PCDHGB6: variants seen among roughly 807,000 people sequenced by gnomAD.
The protein encoded by PCDHGB6 is protocadherin gamma-B6.
PCDHGB6 carries 51 observed loss-of-function variants against 59.1 expected under a neutral mutation model. That is an observed-to-expected ratio of 0.86 (90% CI 0.69 to 1.09). PCDHGB6 has a LOEUF of 1.09. Among genes scored for constraint, PCDHGB6 ranks in the 50% least tolerant of loss-of-function variants. PCDHGB6 has a pLI of 0.00. For missense variants in PCDHGB6, 1,148 were observed against 1,205.1 expected, an observed-to-expected ratio of 0.95 and a Z score of 0.70; for synonymous variants, 466 against 495.1, an observed-to-expected ratio of 0.94 and a Z score of 0.78.
chr5:141,457,020 C>A (rs2098903789), intron 1 of PCDHGB6, among the ~76,000 whole-genome samples: 1 of 152,086 alleles, frequency 6.6e-6, no homozygotes, highest in Non-Finnish European at 1.5e-5. Flanking sequence ...AATAAAAAGT[C>A]CTAGTAGACT....
Position 141,446,243 on chromosome 5 carries a change from C to T in PCDHGB6, c.2418+35623C>T, listed in dbSNP as rs552551215. Among the ~76,000 whole-genome samples, 23 of 152,096 alleles carry T rather than the reference C, an allele frequency of 1.5e-4. 1 individual carries two copies. The South Asian group carries it at 4.6e-3, about 30-fold the overall frequency. On this transcript the variant is annotated intron_variant, in intron 1 of 3. Coordinates refer to ENST00000520790, the MANE Select transcript of PCDHGB6 (RefSeq NM_018926.3). ...TTGTGTTGCCTGGCAAGTGGTAGAT[C>T]TTCAGTGAAATATTATTAACTGAAT...
At chr5:141,452,511 A>G (rs573632978) in intron 1 of PCDHGB6, among the ~76,000 whole-genome samples, 1 of 152,056 alleles carries the variant, frequency 6.6e-6, no homozygotes, top group South Asian at 2.1e-4. Context: ...TTGTACACAC[A>G]CTCCCTCAAA....
chr5:141,431,008 C>T lies in PCDHGB6; in HGVS notation c.2418+20388C>T. The T allele has an allele frequency of 6.2e-7, 1 of 1,614,118 alleles. No individual in the cohort carries two copies. The highest frequency in any genetic ancestry group is 1.1e-5 in the South Asian group (1 of 91,076). ...TCGCCCTGAATCCGCGCAGCGGCAG[C>T]TTGGTCACGGCGGGCAGGATAGACC... On this transcript the variant is annotated intron_variant, in intron 1 of 3. Transcript: ENST00000520790. This position sits in a 1 kb window ranked among gnomAD's most constrained non-coding sequence, Gnocchi z 4.8.
intron 3 of PCDHGB6, among the ~76,000 whole-genome samples, chr5:141,506,444 C>CAA (rs1219684339): frequency 1.2e-3 from 116 of 94,976 alleles, no homozygotes; most frequent in African/African-American, 4.2e-3. Flanking sequence ...CGCTCTGTCT[C>CAA]AAAAAAAAAA....
chr5:141,445,376 A>T (rs1182418123), intron 1 of PCDHGB6, among the ~76,000 whole-genome samples: 1 of 152,220 alleles, frequency 6.6e-6, no homozygotes, highest in Non-Finnish European at 1.5e-5. Context: ...TGGGTGGTTC[A>T]TTCATTCATT....
intron 1 of PCDHGB6, chr5:141,421,256 G>A (rs1205670837): frequency 1.2e-6 from 2 of 1,607,696 alleles, no homozygotes; most frequent in African/African-American, 1.3e-5. Flanking sequence ...CGCGGGGACC[G>A]CAGTCGGCTG....
Position 141,431,529 on chromosome 5 carries a change from T to C in PCDHGB6, c.2418+20909T>C, listed in dbSNP as rs145601545. 166 of 1,614,074 alleles carry C rather than the reference T, an allele frequency of 1.0e-4. No individual in the cohort carries two copies. In the African/African-American group the frequency reaches 2.0e-3, roughly 19 times the overall value. On this transcript the variant is annotated intron_variant, in intron 1 of 3. Coordinates refer to ENST00000520790, the MANE Select transcript of PCDHGB6 (RefSeq NM_018926.3). The surrounding 1 kb of genome is among the most constrained non-coding windows in gnomAD (Gnocchi z 4.8). The stretch of plus-strand genomic sequence containing the variant: ...GCGAGCGTTCCGGAGAATCTGGCCT[T>C]GGGCACGCAGCTGCTTGTAGTCAAC...
At chr5:141,483,737 G>A (rs1052778197) in intron 1 of PCDHGB6, among the ~76,000 whole-genome samples, 4 of 152,102 alleles carry the variant, frequency 2.6e-5, no homozygotes, top group South Asian at 2.1e-4. Context: ...TAGTCAAAAG[G>A]ATATTCCTGA....
At chr5:141,492,548 C>A (rs1028674110) in intron 1 of PCDHGB6, among the ~76,000 whole-genome samples, 1 of 152,218 alleles carries the variant, frequency 6.6e-6, no homozygotes, top group Non-Finnish European at 1.5e-5. Flanking sequence ...TGGGCCGGGT[C>A]GCCTGGGGGG....
intron 1 of PCDHGB6, among the ~76,000 whole-genome samples, chr5:141,463,418 C>T (rs1442067485): frequency 3.6e-5 from 5 of 138,240 alleles, no homozygotes; most frequent in Admixed American, 2.9e-4. Flanking sequence ...TCCTAGTTTG[C>T]GGATCCTCAT....
At position 141,431,525 on chromosome 5, in the gene PCDHGB6, G is replaced by A. The variant is rs1390184616; in HGVS notation, c.2418+20905G>A. The A allele has an allele frequency of 5.6e-6, 9 of 1,613,956 alleles. No individual in the cohort carries two copies. Among genetic ancestry groups the A allele is most frequent in the Non-Finnish European group, 7.6e-6 (9 of 1,180,044 alleles). ...CCGCGCGAGCGTTCCGGAGAATCTG[G>A]CCTTGGGCACGCAGCTGCTTGTAGT... On this transcript the variant is annotated intron_variant, in intron 1 of 3. Transcript: ENST00000520790. This position sits in a 1 kb window ranked among gnomAD's most constrained non-coding sequence, Gnocchi z 4.8.
At position 141,487,665 on chromosome 5, in the gene PCDHGB6, G is replaced by C. The variant is rs373971935; in HGVS notation, c.2419-7142G>C. 2.1e-5 allele frequency: 34 copies of C among 1,612,724 alleles called. No homozygotes were observed. In the South Asian group the frequency reaches 3.4e-4, roughly 16 times the overall value. ...ATGCTTGAGGGTTATTCTGATCCAG[G>C]CATATGGCTAGGCCATGTCCTAGAG... On this transcript the variant is annotated intron_variant, in intron 1 of 3. Transcript: ENST00000520790. The surrounding 1 kb of genome is among the most constrained non-coding windows in gnomAD (Gnocchi z 5.0).
At position 141,427,736 on chromosome 5, in the gene PCDHGB6, A is replaced by G. The variant is rs781594851; in HGVS notation, c.2418+17116A>G. 3.3e-6 allele frequency: 4 copies of G among 1,214,562 alleles called. No individual in the cohort carries two copies. In the South Asian group the frequency reaches 4.9e-5, roughly 15 times the overall value. The allele number at this position is 1,214,562 out of a possible 1,614,324, so 75.2% of individuals were successfully genotyped here. ...ACCTGGACCTAGGGCTGAATGGCCA[A>G]GTCTCCTACTCCATCGTTACCACTG... On this transcript the variant is annotated intron_variant, in intron 1 of 3. Coordinates refer to ENST00000520790, the MANE Select transcript of PCDHGB6 (RefSeq NM_018926.3).
At chr5:141,484,672 A>G (rs1253641119) in intron 1 of PCDHGB6, among the ~76,000 whole-genome samples, 1 of 151,990 alleles carries the variant, frequency 6.6e-6, no homozygotes, top group African/African-American at 2.4e-5. Flanking sequence ...AGTGGGCCGC[A>G]GGTTGCTAGG....
At chr5:141,481,035 G>C (rs1342607604) in intron 1 of PCDHGB6, among the ~76,000 whole-genome samples, 1 of 152,094 alleles carries the variant, frequency 6.6e-6, no homozygotes, top group Non-Finnish European at 1.5e-5. Flanking sequence ...TCCAGCCTGG[G>C]CGACAGAGCG....
At chr5:141,429,469 T>C (rs547784462) in intron 1 of PCDHGB6, among the ~76,000 whole-genome samples, 4 of 151,932 alleles carry the variant, frequency 2.6e-5, no homozygotes, top group African/African-American at 4.8e-5. Context: ...CCCACCTCAA[T>C]CTCCAGAGTA....
chr5:141,427,871 G>A (rs762885351), intron 1 of PCDHGB6: 1 of 1,559,530 alleles, frequency 6.4e-7, no homozygotes, highest in South Asian at 1.1e-5. Flanking sequence ...TCGAGCTCAC[G>A]ATGCAGGCCC....
Position 141,431,972 on chromosome 5 carries a change from G to T in PCDHGB6, c.2418+21352G>T, listed in dbSNP as rs750484866. On this transcript the variant is annotated intron_variant, in intron 1 of 3. Coordinates refer to ENST00000520790, the MANE Select transcript of PCDHGB6 (RefSeq NM_018926.3). The surrounding 1 kb of genome is among the most constrained non-coding windows in gnomAD (Gnocchi z 4.8). ...ATCTTACGGAAATTACTATAGTTTA[G>T]TCACAGACATAGTCTTGGATAGGGA... is the stretch of plus-strand genomic sequence containing the variant. The T allele has an allele frequency of 8.1e-6, 13 of 1,614,072 alleles. No homozygotes were observed. Among genetic ancestry groups the T allele is most frequent in the Non-Finnish European group, 1.1e-5 (13 of 1,180,028 alleles).
chr5:141,415,389 T>A lies in PCDHGB6; in HGVS notation c.2418+4769T>A, dbSNP rs1282535508. On this transcript the variant is annotated intron_variant, in intron 1 of 3. Transcript: ENST00000520790. ...AGGCTTCAGGAGGCGGCTTGACAGG[T>A]GTGTCCGGCTCGCACTTTGTGGGCG... 9.3e-6 allele frequency: 15 copies of A among 1,614,162 alleles called. No individual in the cohort carries two copies. The East Asian group carries it at 2.5e-4, about 26-fold the overall frequency.
Sources: gnomAD v4.1 joint callset for allele counts (sites outside exome capture counted in the v4.1 genomes callset) on GRCh38, gnomAD v4.1.1 for gene constraint, Gnocchi (gnomAD v3.1) non-coding constraint, MANE v1.5 for transcripts, NCBI Gene and HGNC (gene_info 2026-07-23, HGNC 2026-07-21) for gene names.